ASPRV1: variants seen among roughly 807,000 people sequenced by gnomAD.
The protein encoded by ASPRV1 is retroviral-like aspartic protease 1.
A neutral mutation model predicts 11.0 loss-of-function variants in ASPRV1; 7 were observed. The observed-to-expected ratio is 0.64, with a 90% confidence interval of 0.36 to 1.20. The LOEUF (loss-of-function observed/expected upper bound fraction) is 1.20, where lower values mean the gene tolerates loss of function less well. Among genes scored for constraint, ASPRV1 ranks in the 50% most tolerant of loss-of-function variants. The probability of loss-of-function intolerance (pLI) is 0.02; values close to 1 mark genes in which losing one functional copy is unlikely to be tolerated. For synonymous variants in ASPRV1, 136 were observed against 138.4 expected, an observed-to-expected ratio of 0.98 and a Z score of 0.12; for missense variants, 299 against 320.0, an observed-to-expected ratio of 0.93 and a Z score of 0.50.
chr2:69,953,002 G>A, the ASPRV1 span, among the ~76,000 whole-genome samples: 1 of 152,210 alleles, frequency 6.6e-6, no homozygotes, highest in Non-Finnish European at 1.5e-5. Flanking sequence ...CAGGCCTTCT[G>A]CCCTGCCTCC....
the ASPRV1 span, among the ~76,000 whole-genome samples, chr2:69,972,432 A>T: frequency 1.4e-5 from 2 of 145,060 alleles, no homozygotes; most frequent in Admixed American, 7.0e-5. Flanking sequence ...ATCTCGGCTC[A>T]CTGCAACGTC....
chr2:70,078,477 A>C, the ASPRV1 span, among the ~76,000 whole-genome samples: 1 of 152,238 alleles, frequency 6.6e-6, no homozygotes, highest in Non-Finnish European at 1.5e-5. Context: ...TTTTATTTTA[A>C]ACAAGGCAGT....
the ASPRV1 span, among the ~76,000 whole-genome samples, chr2:70,022,929 G>T: frequency 6.6e-6 from 1 of 152,124 alleles, no homozygotes; most frequent in African/African-American, 2.4e-5. Flanking sequence ...GCTGATACAG[G>T]ACATCCATTT....
the ASPRV1 span, among the ~76,000 whole-genome samples, chr2:70,032,571 T>C: frequency 1.8e-3 from 270 of 152,018 alleles, 1 homozygote; most frequent in African/African-American, 3.4e-3. Flanking sequence ...GGCAGGAGGA[T>C]TGCTTGAGCC....
chr2:69,988,113 A>T, the ASPRV1 span, among the ~76,000 whole-genome samples: 1,949 of 152,338 alleles, frequency 0.013, 46 homozygotes, highest in African/African-American at 0.045. Flanking sequence ...TGGTTCCCCA[A>T]GAAGTTAAAC....
At chr2:69,946,051 G>A in the ASPRV1 span, among the ~76,000 whole-genome samples, 1 of 152,134 alleles carries the variant, frequency 6.6e-6, no homozygotes, top group Admixed American at 6.5e-5. Flanking sequence ...CAGACAGCCG[G>A]GCTGGGTGAC....
At chr2:70,028,647 C>T in the ASPRV1 span, 4 of 152,210 alleles carry the variant, frequency 2.6e-5, no homozygotes, top group Non-Finnish European at 5.9e-5. Flanking sequence ...GTGATTAGGT[C>T]ATGAGGGCTG....
the ASPRV1 span, among the ~76,000 whole-genome samples, chr2:70,055,241 T>C: frequency 2.0e-5 from 3 of 151,854 alleles, no homozygotes; most frequent in African/African-American, 2.4e-5. Context: ...GAGGTGGAGG[T>C]TGCAGTGAGC....
chr2:70,018,610 A>C, the ASPRV1 span, among the ~76,000 whole-genome samples: 766 of 152,306 alleles, frequency 5.0e-3, 10 homozygotes, highest in Non-Finnish European at 3.4e-3. Flanking sequence ...AGAACCCAGA[A>C]ATAAATCTAT....
chr2:69,950,022 G>A, the ASPRV1 span, among the ~76,000 whole-genome samples: 1 of 152,048 alleles, frequency 6.6e-6, no homozygotes. Context: ...CACTATATTG[G>A]CCAGGCTGGT....
chr2:70,004,230 T>C, the ASPRV1 span, among the ~76,000 whole-genome samples: 1 of 152,184 alleles, frequency 6.6e-6, no homozygotes, highest in East Asian at 1.9e-4. Context: ...ATGGAGTCCT[T>C]GTTTTTAAGA....
the ASPRV1 span, chr2:70,046,426 G>A: frequency 6.6e-6 from 1 of 152,200 alleles, no homozygotes; most frequent in Non-Finnish European, 1.5e-5. Context: ...GAGGATCACA[G>A]AGAAATTTCT....
At chr2:70,021,751 G>A in the ASPRV1 span, among the ~76,000 whole-genome samples, 1 of 151,636 alleles carries the variant, frequency 6.6e-6, no homozygotes, top group African/African-American at 2.4e-5. Flanking sequence ...TCACCAGGCT[G>A]GAGTGAGGTG....
the ASPRV1 span, among the ~76,000 whole-genome samples, chr2:70,036,429 C>T: frequency 6.6e-6 from 1 of 151,872 alleles, no homozygotes; most frequent in African/African-American, 2.4e-5. Flanking sequence ...TAGCAACTAG[C>T]GTGGGCGGGT....
At chr2:70,046,641 G>A in the ASPRV1 span, 1 of 152,124 alleles carries the variant, frequency 6.6e-6, no homozygotes, top group Non-Finnish European at 1.5e-5. Context: ...GCTCAGGCTG[G>A]GGTCTGAGAA....
At chr2:70,086,912 G>A in the ASPRV1 span, 1 of 152,222 alleles carries the variant, frequency 6.6e-6, no homozygotes, top group Non-Finnish European at 1.5e-5. Context: ...GAGCTGGGGT[G>A]GGGGATCCAT....
chr2:69,949,911 G>T, the ASPRV1 span, among the ~76,000 whole-genome samples: 1 of 152,178 alleles, frequency 6.6e-6, no homozygotes, highest in African/African-American at 2.4e-5. Flanking sequence ...CGCCTCCCGG[G>T]TTCAAGCGAT....
chr2:70,017,212 C>A, the ASPRV1 span, among the ~76,000 whole-genome samples: 1 of 152,180 alleles, frequency 6.6e-6, no homozygotes, highest in African/African-American at 2.4e-5. Flanking sequence ...AGGATGGTCT[C>A]CATCTCCTGA....
the ASPRV1 span, among the ~76,000 whole-genome samples, chr2:69,945,768 T>C: frequency 1.3e-5 from 2 of 152,192 alleles, no homozygotes; most frequent in African/African-American, 4.8e-5. Flanking sequence ...GCCAAGGGCA[T>C]GCACCTGAGG....
Sources: allele counts gnomAD v4.1 joint callset (sites outside exome capture counted in the v4.1 genomes callset), GRCh38; gene constraint gnomAD v4.1.1; transcripts MANE v1.5; gene names NCBI Gene and HGNC (gene_info 2026-07-23, HGNC 2026-07-21).